The following INSC variants were observed in gnomAD, a reference collection of about 807,000 sequenced individuals.
INSC encodes the protein protein inscuteable homolog.
In INSC, 67 loss-of-function variants were observed where a neutral mutation model predicts 58.6. The ratio of observed to expected loss-of-function variants is 1.14; its 90% CI spans 0.94 to 1.40. The LOEUF is 1.40. Among genes scored for constraint, INSC ranks in the 40% most tolerant of loss-of-function variants. The probability of loss-of-function intolerance (pLI) is 0.00; values close to 1 mark genes in which losing one functional copy is unlikely to be tolerated. For missense variants in INSC, 714 were observed against 692.0 expected (o/e 1.03, Z -0.36); for synonymous variants, 262 against 276.1 (o/e 0.95, Z 0.51).
At chr11:15,194,418 G>T (rs1945636) in intron 6 of INSC, among the ~76,000 whole-genome samples, 42,276 of 151,984 alleles carry the variant, frequency 0.28, 6,390 homozygotes, top group Non-Finnish European at 0.34. Context: ...AAGATTCCAT[G>T]GGGTCTTTGG....
intron 2 of INSC, among the ~76,000 whole-genome samples, chr11:15,160,539 C>G (rs903775424): frequency 1.3e-5 from 2 of 152,154 alleles, no homozygotes; most frequent in Non-Finnish European, 2.9e-5. Flanking sequence ...ACCATAATGA[C>G]TCTCATGCTG....
chr11:15,208,220 CCT>C (rs1198498409), intron 7 of INSC, among the ~76,000 whole-genome samples: 2 of 152,194 alleles, frequency 1.3e-5, no homozygotes, highest in African/African-American at 4.8e-5. Flanking sequence ...TGCCTCTTCA[CCT>C]CTCTTTGGCA....
intron 9 of INSC, among the ~76,000 whole-genome samples, chr11:15,230,013 A>ATATAT (rs1491490993): frequency 4.2e-5 from 1 of 23,880 alleles, no homozygotes; most frequent in African/African-American, 1.7e-4. Context: ...ATATATATAT[A>ATATAT]ATATATATAT....
chr11:15,198,545 T>A (rs1259751722), intron 6 of INSC, among the ~76,000 whole-genome samples: 1 of 152,202 alleles, frequency 6.6e-6, no homozygotes, highest in African/African-American at 2.4e-5. Flanking sequence ...CATTGTCTGC[T>A]TCAGATGTAA....
intron 6 of INSC, among the ~76,000 whole-genome samples, chr11:15,200,012 C>A (rs1850516754): frequency 6.6e-6 from 1 of 152,154 alleles, no homozygotes; most frequent in African/African-American, 2.4e-5. Flanking sequence ...GGCACCTGGA[C>A]AATGAGCTCT....
At chr11:15,207,700 T>C (rs1372250893) in intron 7 of INSC, among the ~76,000 whole-genome samples, 1 of 152,202 alleles carries the variant, frequency 6.6e-6, no homozygotes, top group African/African-American at 2.4e-5. Flanking sequence ...GGGGTCTGTC[T>C]CCACTGTCTG....
intron 7 of INSC, among the ~76,000 whole-genome samples, chr11:15,203,057 G>C (rs1850655701): frequency 6.6e-6 from 1 of 152,208 alleles, no homozygotes; most frequent in South Asian, 2.1e-4. Flanking sequence ...ACCTTGTGAG[G>C]TGAGCACTAT....
chr11:15,135,441 A>G (rs1192072451), intron 1 of INSC, among the ~76,000 whole-genome samples: 1 of 152,212 alleles, frequency 6.6e-6, no homozygotes, highest in Non-Finnish European at 1.5e-5. Context: ...CAATGACAAC[A>G]TGATTTGCTG....
chr11:15,115,850 C>A (rs946880873), intron 1 of INSC, among the ~76,000 whole-genome samples: 2 of 152,244 alleles, frequency 1.3e-5, no homozygotes, highest in Non-Finnish European at 2.9e-5. Flanking sequence ...ATGCAACATG[C>A]ACCCACTTTG....
intron 5 of INSC, among the ~76,000 whole-genome samples, chr11:15,179,174 C>T (rs1424702986): frequency 6.6e-6 from 1 of 152,082 alleles, no homozygotes; most frequent in African/African-American, 2.4e-5. Flanking sequence ...ATTGGTAAAC[C>T]TTCTCCAGAA....
chr11:15,216,663 C>A (rs11824865), intron 7 of INSC, among the ~76,000 whole-genome samples: 2,938 of 152,258 alleles, frequency 0.019, 99 homozygotes, highest in African/African-American at 0.066. Flanking sequence ...TTTTAAAAGT[C>A]CTGGTTCTGG....
chr11:15,168,201 A>C (rs928989569), intron 2 of INSC, among the ~76,000 whole-genome samples: 19 of 152,174 alleles, frequency 1.2e-4, no homozygotes, highest in Non-Finnish European at 2.9e-5. Context: ...GGTTTGCTGC[A>C]ACTATCAACA....
At chr11:15,203,431 G>A (rs1426427702) in intron 7 of INSC, among the ~76,000 whole-genome samples, 1 of 151,850 alleles carries the variant, frequency 6.6e-6, no homozygotes, top group East Asian at 1.9e-4. Context: ...ACTTACCCTG[G>A]TAAGAGCCCC....
rs147545096 is a variant in INSC, at chr11:15,176,083, C to T, written c.399C>T (p.Gly133=). ...AVSRNSLKEM[G]EIEKLLMEKC... Reference sequence around the variant, plus strand: ...GCAGGAACTCCTTGAAGGAAATGGGCGAGGTCAGCTGCCCTGGGATAGGAG... The same window carrying T: ...GCAGGAACTCCTTGAAGGAAATGGGTGAGGTCAGCTGCCCTGGGATAGGAG... The change falls in exon 3 of 13, where the codon GGC becomes GGT. Residue 133 remains glycine, a synonymous_variant. Transcript: ENST00000379556. The T allele has an allele frequency of 6.2e-5, 94 of 1,512,692 alleles. 1 individual carries two copies. The highest frequency in any genetic ancestry group is 3.3e-4 in the African/African-American group (24 of 72,838). The allele number at this position is 1,512,692 out of a possible 1,614,324, so 93.7% of individuals were successfully genotyped here.
At chr11:15,143,390 T>C (rs1016531385) in intron 1 of INSC, among the ~76,000 whole-genome samples, 10 of 151,902 alleles carry the variant, frequency 6.6e-5, no homozygotes, top group Admixed American at 2.0e-4. Context: ...GGAGAGGTTG[T>C]TGGGGTCAGA....
the INSC span, among the ~76,000 whole-genome samples, chr11:15,267,428 C>G: frequency 1.3e-5 from 2 of 151,928 alleles, no homozygotes; most frequent in Non-Finnish European, 2.9e-5. Context: ...TCATTTCCCC[C>G]CAGTTTTTGT....
chr11:15,157,625 G>A (rs764729247), intron 2 of INSC, among the ~76,000 whole-genome samples: 1 of 152,166 alleles, frequency 6.6e-6, no homozygotes, highest in African/African-American at 2.4e-5. Context: ...GAGAGTCAGC[G>A]AGCTAATGAC....
chr11:15,203,120 C>T (rs760231266), intron 7 of INSC, among the ~76,000 whole-genome samples: 18 of 152,224 alleles, frequency 1.2e-4, no homozygotes, highest in Admixed American at 6.5e-5. Flanking sequence ...GTTTAAGTGA[C>T]TTGCCTAAAT....
At chr11:15,149,362 A>C in intron 2 of INSC, 132 bp downstream of exon 2, 1 of 896,594 alleles carries the variant, frequency 1.1e-6, no homozygotes, top group Non-Finnish European at 1.6e-6. Context: ...TGCCGAGCAT[A>C]AGGTATTGGG....
Sources: gnomAD v4.1 joint callset for allele counts (sites outside exome capture counted in the v4.1 genomes callset) on GRCh38, gnomAD v4.1.1 for gene constraint, MANE v1.5 for transcripts, NCBI Gene and HGNC (gene_info 2026-07-23, HGNC 2026-07-21) for gene names.